MNAT1: variants seen among roughly 807,000 people sequenced by gnomAD.
MNAT1 encodes CDK-activating kinase assembly factor MAT1.
MNAT1 carries 43 observed loss-of-function variants against 42.0 expected under a neutral mutation model. That is an observed-to-expected ratio of 1.02 (90% CI 0.80 to 1.32). MNAT1 has a LOEUF of 1.32. Among genes scored for constraint, MNAT1 ranks in the 40% most tolerant of loss-of-function variants. The pLI is 0.00. For missense variants in MNAT1, 306 were observed against 350.4 expected (o/e 0.87, Z 1.01); for synonymous variants, 118 against 120.0 (o/e 0.98, Z 0.11).
At chr14:60,877,147 G>A (rs915348001) in intron 6 of MNAT1, among the ~76,000 whole-genome samples, 2 of 152,048 alleles carry the variant, frequency 1.3e-5, no homozygotes, top group Non-Finnish European at 1.5e-5. Context: ...AGCCATGGGT[G>A]TGAAGTGGTA....
intron 6 of MNAT1, among the ~76,000 whole-genome samples, chr14:60,819,168 G>T (rs2032806650): frequency 6.6e-6 from 1 of 151,938 alleles, no homozygotes; most frequent in Non-Finnish European, 1.5e-5. Flanking sequence ...GATATGAAAT[G>T]GGAAAGCAAA....
intron 7 of MNAT1, among the ~76,000 whole-genome samples, chr14:60,912,837 G>A (rs905324611): frequency 2.0e-5 from 3 of 152,096 alleles, no homozygotes; most frequent in African/African-American, 4.8e-5. Context: ...TATCTTAGTG[G>A]CGTTCTCTGT....
intron 4 of MNAT1, among the ~76,000 whole-genome samples, chr14:60,811,551 C>T (rs968117264): frequency 3.3e-5 from 5 of 152,000 alleles, no homozygotes; most frequent in Non-Finnish European, 2.9e-5. Context: ...ATCCACCCGC[C>T]GTGGCCTCCC....
intron 7 of MNAT1, among the ~76,000 whole-genome samples, chr14:60,921,456 TA>T (rs1207503542): frequency 1.3e-5 from 2 of 152,150 alleles, no homozygotes; most frequent in African/African-American, 4.8e-5. Flanking sequence ...TCATAAGCCA[TA>T]AGTGGTCTCT....
At position 60,746,913 on chromosome 14, in the gene MNAT1, TATATATATATACACACACACACACACAC is replaced by T. The variant is rs1399610327; in HGVS notation, c.89+11964_89+11991del. ...GATTCATTTCATATATATATATATA[TATATATATATACACACACACACACACAC>T]ACACACACACACACACACACACACA... is the stretch of plus-strand genomic sequence containing the variant. On this transcript the variant is annotated intron_variant, in intron 1 of 7. Transcript: ENST00000261245. Among the ~76,000 whole-genome samples the T allele has an allele frequency of 7.6e-5, 2 of 26,304 alleles. 1 individual carries two copies. Among genetic ancestry groups the T allele is most frequent in the African/African-American group, 2.6e-4 (2 of 7,578 alleles). The allele number at this position is 26,304 out of a possible 152,430, so 17.3% of individuals were successfully genotyped here. A position where few individuals can be genotyped will look rare whatever the true frequency, so the allele number is the denominator to read the frequency against.
chr14:60,938,576 C>T (rs916814900), intron 7 of MNAT1, among the ~76,000 whole-genome samples: 9 of 152,262 alleles, frequency 5.9e-5, no homozygotes, highest in African/African-American at 1.9e-4. Context: ...AGGAATGAAG[C>T]CCACTTGATC....
chr14:60,746,826 A>G (rs114787444), intron 1 of MNAT1, among the ~76,000 whole-genome samples: 2,205 of 143,780 alleles, frequency 0.015, 58 homozygotes, highest in African/African-American at 0.054. Context: ...TTTACTAATT[A>G]TATTATTTGT....
chr14:60,875,527 G>A (rs2034418574), intron 6 of MNAT1, among the ~76,000 whole-genome samples: 1 of 152,048 alleles, frequency 6.6e-6, no homozygotes, highest in African/African-American at 2.4e-5. Flanking sequence ...GTATGATTAA[G>A]TACCATTAAT....
At chr14:60,741,669 T>G (rs1451372356) in intron 1 of MNAT1, among the ~76,000 whole-genome samples, 1 of 146,990 alleles carries the variant, frequency 6.8e-6, no homozygotes, top group African/African-American at 2.5e-5. Context: ...TTTTTTTTTT[T>G]TTTTTTTTTT....
intron 7 of MNAT1, among the ~76,000 whole-genome samples, chr14:60,918,574 T>G (rs2035583199): frequency 6.6e-6 from 1 of 151,866 alleles, no homozygotes; most frequent in Non-Finnish European, 1.5e-5. Context: ...CCAATATCAT[T>G]TATACACTTA....
At chr14:60,747,562 G>A (rs529911017) in intron 1 of MNAT1, among the ~76,000 whole-genome samples, 10 of 152,192 alleles carry the variant, frequency 6.6e-5, no homozygotes, top group East Asian at 1.9e-4. Context: ...AAAATGATAC[G>A]CCTATATAGG....
At chr14:60,932,300 G>A (rs572556173) in intron 7 of MNAT1, among the ~76,000 whole-genome samples, 2 of 151,846 alleles carry the variant, frequency 1.3e-5, no homozygotes, top group Admixed American at 1.3e-4. Context: ...TTCTATCCTT[G>A]TAAAACTACA....
At chr14:60,918,406 C>T (rs1183688001) in intron 7 of MNAT1, among the ~76,000 whole-genome samples, 2 of 150,810 alleles carry the variant, frequency 1.3e-5, no homozygotes, top group African/African-American at 4.9e-5. Flanking sequence ...GACGGGGTTT[C>T]ACCGTTTTAG....
intron 6 of MNAT1, among the ~76,000 whole-genome samples, chr14:60,827,944 G>C (rs2033101683): frequency 6.6e-6 from 1 of 152,082 alleles, no homozygotes; most frequent in African/African-American, 2.4e-5. Context: ...TAAGTAAATA[G>C]AAATTTGGTT....
At chr14:60,895,763 C>G (rs1049973404) in intron 7 of MNAT1, among the ~76,000 whole-genome samples, 1 of 152,134 alleles carries the variant, frequency 6.6e-6, no homozygotes, top group Non-Finnish European at 1.5e-5. Flanking sequence ...GAGACTCTGT[C>G]TCAACAAAAC....
At chr14:60,878,848 C>T (rs1462124636) in intron 6 of MNAT1, among the ~76,000 whole-genome samples, 2 of 152,046 alleles carry the variant, frequency 1.3e-5, no homozygotes, top group Admixed American at 1.3e-4. Context: ...TTAAAATTTC[C>T]ACTGAATGCA....
At chr14:60,737,703 C>T (rs879771753) in intron 1 of MNAT1, among the ~76,000 whole-genome samples, 1 of 152,014 alleles carries the variant, frequency 6.6e-6, no homozygotes, top group Admixed American at 6.6e-5. Context: ...GAGTTTGTGG[C>T]TTTTAAATTT....
At chr14:60,818,407 A>G (rs1362925662) in intron 5 of MNAT1, among the ~76,000 whole-genome samples, 1 of 152,084 alleles carries the variant, frequency 6.6e-6, no homozygotes, top group African/African-American at 2.4e-5. Context: ...TCTAAGTTAT[A>G]GTACTTTGTA....
chr14:60,934,394 C>T (rs2139574922), intron 7 of MNAT1, among the ~76,000 whole-genome samples: 1 of 152,200 alleles, frequency 6.6e-6, no homozygotes, highest in Middle Eastern at 3.4e-3. Flanking sequence ...AAACTATGAC[C>T]ATGATATGGT....
Sources: gnomAD v4.1 joint callset for allele counts (sites outside exome capture counted in the v4.1 genomes callset) on GRCh38, gnomAD v4.1.1 for gene constraint, MANE v1.5 for transcripts, NCBI Gene and HGNC (gene_info 2026-07-23, HGNC 2026-07-21) for gene names.